MYLK3: variants seen among roughly 807,000 people sequenced by gnomAD.
MYLK3 encodes the protein MLC kinase.
A neutral mutation model predicts 76.3 loss-of-function variants in MYLK3; 55 were observed. That is an observed-to-expected ratio of 0.72 (90% CI 0.58 to 0.90). MYLK3 has a LOEUF of 0.90. Among genes scored for constraint, MYLK3 ranks in the 40% least tolerant of loss-of-function variants. MYLK3 has a pLI of 0.00. For synonymous variants in MYLK3, 416 were observed against 425.4 expected, an observed-to-expected ratio of 0.98 and a Z score of 0.27; for missense variants, 973 against 1,053.6, an observed-to-expected ratio of 0.92 and a Z score of 1.06.
At position 46,740,847 on chromosome 16, in the gene MYLK3, C is replaced by T. The variant is rs11865169; in HGVS notation, c.478-700G>A. Among the ~76,000 whole-genome samples, 584 of 152,272 alleles carry T rather than the reference C, an allele frequency of 3.8e-3. 4 individuals carry two copies. Among genetic ancestry groups the T allele is most frequent in the African/African-American group, 0.013 (558 of 41,546 alleles). On this transcript the variant is annotated intron_variant, in intron 1 of 12. Transcript: ENST00000394809. ...GATTACAGATGTGAGCTACCACGCC[C>T]GGCCAGAGATGGAAAATAATCTCAA...
rs1966844539 is a variant in MYLK3 at position 46,727,298 on chromosome 16, T to C, written c.1852A>G (p.Arg618Gly). ...TAATGCACACCCTCACAGATCTGCC[T>C]GGTGAACAGGACCACATCCAGCTCA... is the stretch of plus-strand genomic sequence containing the variant. Reference protein sequence around the residue: ...LTELDVVLFTRQICEGVHYLH... With the variant: ...LTELDVVLFTGQICEGVHYLH... Residue 618 changes from arginine to glycine, a missense_variant, in exon 8 of 13, where the codon AGG becomes GGG. Coordinates refer to ENST00000394809, the MANE Select transcript of MYLK3 (RefSeq NM_182493.3). 1 of 1,614,042 alleles carries C rather than the reference T, an allele frequency of 6.2e-7. No individual in the cohort carries two copies. The highest frequency in any genetic ancestry group is 1.7e-5 in the Admixed American group (1 of 60,010).
rs1200537507 is a variant in MYLK3 at position 46,703,994 on chromosome 16, A to G, written c.*3710T>C. ...AGTGAGTTATGTTTCAAACAACTTGAGTATGTAAATACATTTTCCACAGTA... is the reference window on the plus strand; with the variant it reads ...AGTGAGTTATGTTTCAAACAACTTGGGTATGTAAATACATTTTCCACAGTA... On this transcript the variant is annotated 3_prime_UTR_variant, in exon 13 of 13. Transcript: ENST00000394809. 6.5e-6 allele frequency: 1 copy of G among 153,468 alleles called. No homozygotes were observed. Among genetic ancestry groups the G allele is most frequent in the Non-Finnish European group, 1.5e-5 (1 of 68,052 alleles). 9.5% of individuals were successfully genotyped at this position (153,468 alleles called of 1,614,324 possible). A position where few individuals can be genotyped will look rare whatever the true frequency, so the allele number is the denominator to read the frequency against.
chr16:46,758,298 A>ACG (rs1967227939), intron 1 of MYLK3, among the ~76,000 whole-genome samples: 4 of 56,162 alleles, frequency 7.1e-5, no homozygotes, highest in Admixed American at 2.8e-4. Flanking sequence ...ACACACACAC[A>ACG]CACACACTCT....
rs749816781 is a variant in MYLK3, at chr16:46,732,276, C to G, written c.1394G>C (p.Arg465Thr). 6.2e-7 allele frequency: 1 copy of G among 1,607,318 alleles called. No homozygotes were observed. The highest frequency in any genetic ancestry group is 8.5e-7 in the Non-Finnish European group (1 of 1,179,760). ...TACTGCTTCAGCTCTCACCGGAGCCCTGGCTGCACAGTCCTGCTCAGGCTC... is the reference window on the plus strand; with the variant it reads ...TACTGCTTCAGCTCTCACCGGAGCCGTGGCTGCACAGTCCTGCTCAGGCTC... Reference protein sequence around the residue: ...NPEPEQDCAARAPVRAEAVRR... With the variant: ...NPEPEQDCAATAPVRAEAVRR... The change falls in exon 4 of 13, where the codon AGG becomes ACG. Residue 465 changes from arginine (R) to threonine (T), a missense_variant. Coordinates refer to ENST00000394809, the MANE Select transcript of MYLK3 (RefSeq NM_182493.3).
intron 1 of MYLK3, chr16:46,757,615 G>A (rs1448075892): frequency 1.0e-6 from 1 of 985,012 alleles, no homozygotes; most frequent in African/African-American, 1.7e-5. Flanking sequence ...TGGCCAGGAT[G>A]ATTTCTCTGG....
chr16:46,729,810 C>A (rs757536765), intron 5 of MYLK3, 123 bp from the exon 6 acceptor site: 37 of 806,106 alleles, frequency 4.6e-5, no homozygotes, highest in Admixed American at 3.2e-4. Context: ...TCCCAGAGTG[C>A]AGCCTGTCAT....
intron 3 of MYLK3, among the ~76,000 whole-genome samples, chr16:46,737,165 G>A (rs1433070787): frequency 1.1e-4 from 17 of 152,340 alleles, no homozygotes; most frequent in Admixed American, 7.2e-4. Flanking sequence ...CCGGTAACCC[G>A]GATTCAGATC....
chr16:46,761,196 C>G (rs903981864), intron 1 of MYLK3, among the ~76,000 whole-genome samples: 2 of 152,114 alleles, frequency 1.3e-5, no homozygotes, highest in Admixed American at 6.5e-5. Flanking sequence ...TCAGGTGGAG[C>G]CTGGCAGGTG....
At chr16:46,714,472 A>C (rs1211870198) in intron 9 of MYLK3, among the ~76,000 whole-genome samples, 1 of 152,062 alleles carries the variant, frequency 6.6e-6, no homozygotes, top group African/African-American at 2.4e-5. Flanking sequence ...GGGTTGAAGG[A>C]CTGGGCCTCG....
At chr16:46,748,655 A>C (rs1281166509), upstream of MYLK3, among the ~76,000 whole-genome samples, 1 of 152,220 alleles carries the variant, frequency 6.6e-6, no homozygotes, top group Non-Finnish European at 1.5e-5. This position sits in a 1 kb window ranked among gnomAD's most constrained non-coding sequence, Gnocchi z 4.3. Context: ...AGAGGCCCAG[A>C]GCCCTGAGGC....
intron 9 of MYLK3, among the ~76,000 whole-genome samples, chr16:46,719,040 T>C (rs1241179572): frequency 2.6e-5 from 4 of 151,334 alleles, no homozygotes; most frequent in South Asian, 2.1e-4. Flanking sequence ...CTGGAAGATA[T>C]GTGATTCGGC....
In MYLK3 at chr16:46,731,463, G is replaced by A. The variant is rs117101523; in HGVS notation, c.1462+745C>T. Among the ~76,000 whole-genome samples, 721 of 152,306 alleles carry A rather than the reference G, an allele frequency of 4.7e-3. 3 individuals are homozygous for A. The highest frequency in any genetic ancestry group is 6.8e-3 in the Middle Eastern group (2 of 294). ...CACAGCAAGTGCAGTGGTATGAACC[G>A]GTTGTGCACCAAGGGCTGGAAGGAA... On this transcript the variant is annotated intron_variant, in intron 4 of 12. Transcript: ENST00000394809.
Position 46,703,011 on chromosome 16 carries a change from A to AT in MYLK3, c.*4692dup, listed in dbSNP as rs1966591536. 6.6e-6 allele frequency among the ~76,000 whole-genome samples: 1 copy of AT among 151,270 alleles called. No homozygotes were observed. ...TTCAGAAAGATAAATGAAAAGTGGA[A>AT]TTCCCCCTCTCCCAATCACCCACTT... is the stretch of plus-strand genomic sequence containing the variant. On this transcript the variant is annotated 3_prime_UTR_variant, in exon 13 of 13. Transcript: ENST00000394809.
chr16:46,748,158 C>T lies in MYLK3; in HGVS notation c.36G>A (p.Gly12=), dbSNP rs995952826. The change falls in exon 1 of 13, where the codon GGG becomes GGA. Residue 12 remains glycine (G), a synonymous_variant. Transcript: ENST00000394809. The surrounding 1 kb of genome is among the most constrained non-coding windows in gnomAD (Gnocchi z 4.3). ...SGTSKESLGH[G]GLPGLGKTCL... ...AGGTCTTGCCCAACCCTGGCAGCCC[C>T]CCATGCCCCAGACTCTCCTTGGAGG... 4 of 1,613,974 alleles carry T rather than the reference C, an allele frequency of 2.5e-6. No individual in the cohort carries two copies. In the Admixed American group the frequency reaches 5.0e-5, roughly 20 times the overall value.
At chr16:46,751,521 G>GA (rs1219614862), upstream of MYLK3, among the ~76,000 whole-genome samples, 3 of 152,240 alleles carry the variant, frequency 2.0e-5, no homozygotes, top group African/African-American at 7.2e-5. Context: ...GAAGCTCCCT[G>GA]AGGGCAGACC....
rs1244288895 is a variant in MYLK3, at chr16:46,706,628, G to A, written c.*1076C>T. The A allele has an allele frequency of 6.6e-6, 1 of 152,138 alleles. No homozygotes were observed. The highest frequency in any genetic ancestry group is 2.4e-5 in the African/African-American group (1 of 41,434). 9.4% of individuals were successfully genotyped at this position (152,138 alleles called of 1,614,324 possible). A position where few individuals can be genotyped will look rare whatever the true frequency, so the allele number is the denominator to read the frequency against. ...TATTCTTACAATAAAGTAAGCTAGA[G>A]AAAAGTTACTAAAATCATAAGGAGG... On this transcript the variant is annotated 3_prime_UTR_variant, in exon 13 of 13. Transcript: ENST00000394809.
intron 12 of MYLK3, 24 bp downstream of exon 12, chr16:46,709,515 T>C (rs758084001): frequency 6.2e-7 from 1 of 1,607,882 alleles, no homozygotes; most frequent in South Asian, 1.1e-5. Context: ...AAATTCCACC[T>C]TTACTAAGAG....
chr16:46,706,942 T>C lies in MYLK3; in HGVS notation c.*762A>G, dbSNP rs1461600180. The C allele has an allele frequency of 4.6e-5, 7 of 152,240 alleles. No homozygotes were observed. Among genetic ancestry groups the C allele is most frequent in the Non-Finnish European group, 7.3e-5 (5 of 68,042 alleles). 9.4% of individuals were successfully genotyped at this position (152,240 alleles called of 1,614,324 possible). Reference sequence around the variant, plus strand: ...AGCAGCTTTCCTTTATGTCTCAGGATGTATCATTTCTGTGTTTCTCAGAAA... The same window carrying C: ...AGCAGCTTTCCTTTATGTCTCAGGACGTATCATTTCTGTGTTTCTCAGAAA... On this transcript the variant is annotated 3_prime_UTR_variant, in exon 13 of 13. Coordinates refer to ENST00000394809, the MANE Select transcript of MYLK3 (RefSeq NM_182493.3).
At chr16:46,709,734 G>C in intron 11 of MYLK3, 63 bp from the exon 12 acceptor site, 1 of 1,573,196 alleles carries the variant, frequency 6.4e-7, no homozygotes, top group South Asian at 1.2e-5. Context: ...CCAAAAATCT[G>C]TTCACTTGAG....
Sources: allele counts gnomAD v4.1 joint callset (sites outside exome capture counted in the v4.1 genomes callset), GRCh38; gene constraint gnomAD v4.1.1; non-coding constraint Gnocchi (gnomAD v3.1); transcripts MANE v1.5; gene names NCBI Gene and HGNC (gene_info 2026-07-23, HGNC 2026-07-21).